Variants in MRTFB observed in about 807,000 individuals in gnomAD.
The protein encoded by MRTFB is myocardin-related transcription factor B.
In MRTFB, 29 loss-of-function variants were observed where a neutral mutation model predicts 104.2. The ratio of observed to expected loss-of-function variants is 0.28; its 90% confidence interval spans 0.21 to 0.38. MRTFB has a LOEUF of 0.38. Ranked by LOEUF, MRTFB falls within the 10% of genes least tolerant of loss-of-function variation. The pLI, the probability that MRTFB is intolerant of heterozygous loss-of-function variation, is 1.00. For synonymous variants in MRTFB, 535 were observed against 519.5 expected (o/e 1.03, Z -0.41); for missense variants, 1,270 against 1,341.6 (o/e 0.95, Z 0.83).
chr16:14,031,635 T>G, the MRTFB span, among the ~76,000 whole-genome samples: 4 of 152,172 alleles, frequency 2.6e-5, no homozygotes, highest in Non-Finnish European at 5.9e-5. Flanking sequence ...TCCCAGCTCC[T>G]GGTCAGAGCC....
At chr16:14,007,832 T>C in the MRTFB span, among the ~76,000 whole-genome samples, 11 of 152,228 alleles carry the variant, frequency 7.2e-5, no homozygotes, top group Admixed American at 1.3e-4. Context: ...GCAAATGATG[T>C]TGAGCATCTT....
At chr16:14,150,085 T>C (rs1174901660) in intron 3 of MRTFB, among the ~76,000 whole-genome samples, 1 of 152,198 alleles carries the variant, frequency 6.6e-6, no homozygotes, top group Admixed American at 6.5e-5. Context: ...GAGAATACCA[T>C]GATGGAGGCA....
At chr16:14,234,459 G>A (rs965488519) in intron 9 of MRTFB, among the ~76,000 whole-genome samples, 176 bp downstream of exon 9, 2 of 152,154 alleles carry the variant, frequency 1.3e-5, no homozygotes, top group Admixed American at 6.6e-5. Context: ...GTTTGAAATT[G>A]TGCTATAGTC....
chr16:14,191,165 T>G (rs2040165039), intron 3 of MRTFB, among the ~76,000 whole-genome samples: 1 of 152,212 alleles, frequency 6.6e-6, no homozygotes. Context: ...TGCTTAAATT[T>G]AAAATAATTA....
At chr16:14,238,635 G>A (rs568838052) in intron 9 of MRTFB, among the ~76,000 whole-genome samples, 1 of 152,298 alleles carries the variant, frequency 6.6e-6, no homozygotes, top group East Asian at 1.9e-4. Context: ...CAGAATGTTA[G>A]AAGGATTGTA....
At chr16:14,065,982 A>C in the MRTFB span, among the ~76,000 whole-genome samples, 6,614 of 152,094 alleles carry the variant, frequency 0.043, 432 homozygotes, top group African/African-American at 0.14. Flanking sequence ...ACTACATTGT[A>C]TTTCAACTTT....
At chr16:14,053,928 T>C in the MRTFB span, among the ~76,000 whole-genome samples, 2 of 152,134 alleles carry the variant, frequency 1.3e-5, no homozygotes, top group African/African-American at 2.4e-5. Context: ...GGGATGCAGA[T>C]ATTTCTTTGA....
chr16:14,135,071 C>T (rs777893810), intron 2 of MRTFB, among the ~76,000 whole-genome samples: 52 of 152,180 alleles, frequency 3.4e-4, no homozygotes, highest in Non-Finnish European at 6.6e-4. Flanking sequence ...TGAAGTCAAA[C>T]GGCTCTCTCT....
intron 3 of MRTFB, chr16:14,151,218 A>G (rs762656324): frequency 6.6e-6 from 1 of 152,314 alleles, no homozygotes; most frequent in South Asian, 2.1e-4. Context: ...AAGTTTTGGT[A>G]AATTTTAACT....
chr16:14,227,262 G>C (rs138922136), intron 8 of MRTFB, among the ~76,000 whole-genome samples: 30 of 150,214 alleles, frequency 2.0e-4, no homozygotes, highest in African/African-American at 7.2e-4. Context: ...ATTAGTTCCC[G>C]TGAGAGCTTG....
At chr16:14,255,865 A>T (rs1428185981) in intron 15 of MRTFB, among the ~76,000 whole-genome samples, 1 of 152,098 alleles carries the variant, frequency 6.6e-6, no homozygotes, top group Non-Finnish European at 1.5e-5. Flanking sequence ...TGTAATCTCA[A>T]CACCTTGGGA....
chr16:14,143,254 T>C (rs1238254811), intron 3 of MRTFB: 2 of 152,056 alleles, frequency 1.3e-5, no homozygotes. Context: ...GTTGTCTTTC[T>C]TTAGTAACAG....
At chr16:14,200,572 A>G (rs2040650184) in intron 3 of MRTFB, 7 of 1,604,360 alleles carry the variant, frequency 4.4e-6, no homozygotes, top group South Asian at 3.3e-5. Flanking sequence ...TCTTGTTGTC[A>G]TGTGACTTTT....
At chr16:14,127,944 T>TTTTC in intron 2 of MRTFB, among the ~76,000 whole-genome samples, 1 of 121,634 alleles carries the variant, frequency 8.2e-6, no homozygotes, top group Non-Finnish European at 1.6e-5. Flanking sequence ...TTTTTTTTTT[T>TTTTC]TTTTTTTCTT....
At chr16:14,012,084 T>C in the MRTFB span, among the ~76,000 whole-genome samples, 1 of 152,074 alleles carries the variant, frequency 6.6e-6, no homozygotes, top group East Asian at 1.9e-4. Flanking sequence ...GGAGATGGCT[T>C]AGAGTGCAGG....
chr16:14,174,190 T>G (rs1015824956), intron 3 of MRTFB, among the ~76,000 whole-genome samples: 5 of 152,306 alleles, frequency 3.3e-5, no homozygotes, highest in African/African-American at 9.6e-5. Flanking sequence ...TGTGCTATTT[T>G]GGCCTTATAT....
chr16:14,127,642 C>CAA (rs770740356), intron 2 of MRTFB, among the ~76,000 whole-genome samples: 1 of 76,202 alleles, frequency 1.3e-5, no homozygotes, highest in Non-Finnish European at 3.0e-5. Flanking sequence ...GACTCTGTCT[C>CAA]AAAAAAAAAA....
At chr16:14,128,731 C>T (rs1361884256) in intron 2 of MRTFB, among the ~76,000 whole-genome samples, 3 of 152,148 alleles carry the variant, frequency 2.0e-5, no homozygotes, top group African/African-American at 4.8e-5. Flanking sequence ...TCCTATTGAT[C>T]GTGGCTAGAG....
chr16:14,046,013 G>A, the MRTFB span, among the ~76,000 whole-genome samples: 3 of 152,146 alleles, frequency 2.0e-5, no homozygotes, highest in South Asian at 4.2e-4. Context: ...TAAGTCATGC[G>A]GGATCTGAAA....
Sources: gnomAD v4.1 joint callset for allele counts (sites outside exome capture counted in the v4.1 genomes callset) on GRCh38, gnomAD v4.1.1 for gene constraint, MANE v1.5 for transcripts, NCBI Gene and HGNC (gene_info 2026-07-23, HGNC 2026-07-21) for gene names.